The following LRRC56 variants were observed in gnomAD, a reference collection of about 807,000 sequenced individuals.
LRRC56 encodes leucine rich repeat containing 56, also known as leucine-rich repeat-containing protein 56.
A neutral mutation model predicts 47.8 loss-of-function variants in LRRC56; 41 were observed. The ratio of observed to expected loss-of-function variants is 0.86; its 90% CI spans 0.67 to 1.11. The LOEUF (loss-of-function observed/expected upper bound fraction) is 1.11. Ranked by LOEUF, LRRC56 falls within the 50% of genes most tolerant of loss-of-function variation. The pLI is 0.00. For missense variants in LRRC56, 759 were observed against 704.2 expected (o/e 1.08, Z -0.88); for synonymous variants, 387 against 311.2 (o/e 1.24, Z -2.56).
the LRRC56 span, among the ~76,000 whole-genome samples, chr11:514,153 G>A: frequency 4.4e-4 from 67 of 152,022 alleles, no homozygotes; most frequent in Non-Finnish European, 4.9e-4. Flanking sequence ...CACCACACCC[G>A]GCTGATTTTT....
Position 554,767 on chromosome 11 carries a change from A to C in LRRC56, c.*491A>C. The C allele has an allele frequency of 2.0e-6, 1 of 501,442 alleles. No homozygotes were observed. Among genetic ancestry groups the C allele is most frequent in the Non-Finnish European group, 3.5e-6 (1 of 284,720 alleles). The allele number at this position is 501,442 out of a possible 1,614,324, so 31.1% of individuals were successfully genotyped here. A position where few individuals can be genotyped will look rare whatever the true frequency, so the allele number is the denominator to read the frequency against. ...GGCCTCCCGTCTCCGGGGGATCTGT[A>C]GGGTTCCCGCACTGCGATAGGGCGG... On this transcript the variant is annotated 3_prime_UTR_variant, in exon 14 of 14. Transcript: ENST00000270115.
At position 550,062 on chromosome 11, in the gene LRRC56, C is replaced by T. The variant is rs369368254; in HGVS notation, c.424-10C>T. 86 of 1,611,406 alleles carry T rather than the reference C, an allele frequency of 5.3e-5. No individual in the cohort carries two copies. The highest frequency in any genetic ancestry group is 4.5e-4 in the East Asian group (20 of 44,820). On this transcript the variant is annotated splice_polypyrimidine_tract_variant and intron_variant, in intron 7 of 13. Transcript: ENST00000270115. ...GGCCGGGCCCTGGCTCAGAGCCCCG[C>T]GCTGCCCAGGAACTCTACGCCTCCT...
the LRRC56 span, among the ~76,000 whole-genome samples, chr11:516,661 G>C: frequency 6.6e-6 from 1 of 151,926 alleles, no homozygotes; most frequent in Non-Finnish European, 1.5e-5. Flanking sequence ...AAAGACGGCC[G>C]GACGTGGTGG....
In LRRC56 at chr11:547,420, C is replaced by T. The variant is rs567020385; in HGVS notation, c.327-2482C>T. On this transcript the variant is annotated intron_variant, in intron 6 of 13. Transcript: ENST00000270115. ...CCAGGCTGGAGTGCAGTGGCGCAAT[C>T]TCGGCTCACTGCAATCTCGCCTCCC... is the stretch of plus-strand genomic sequence containing the variant. Among the ~76,000 whole-genome samples the T allele has an allele frequency of 2.0e-5, 3 of 151,726 alleles. No homozygotes were observed. The South Asian group carries it at 6.3e-4, about 32-fold the overall frequency.
At chr11:548,982 C>G (rs1476504399) in intron 6 of LRRC56, among the ~76,000 whole-genome samples, 1 of 152,134 alleles carries the variant, frequency 6.6e-6, no homozygotes, top group Non-Finnish European at 1.5e-5. Flanking sequence ...CAAATCCCAG[C>G]CAATTCAGAG....
At chr11:547,239 C>T (rs946238241) in intron 6 of LRRC56, among the ~76,000 whole-genome samples, 1 of 151,424 alleles carries the variant, frequency 6.6e-6, no homozygotes, top group Admixed American at 6.6e-5. Context: ...CTCAAAAAAC[C>T]GTAAAAAACA....
chr11:509,168 G>T, the LRRC56 span, among the ~76,000 whole-genome samples: 1 of 152,158 alleles, frequency 6.6e-6, no homozygotes, highest in Non-Finnish European at 1.5e-5. Flanking sequence ...CTGCACACGT[G>T]AGCTTGGTGA....
upstream of LRRC56, chr11:533,234 G>T (rs550980746): frequency 6.7e-7 from 1 of 1,499,144 alleles, no homozygotes; most frequent in African/African-American, 1.4e-5. Flanking sequence ...CCCAGACCCC[G>T]GCCCTCGCCT....
the LRRC56 span, among the ~76,000 whole-genome samples, chr11:511,563 T>C: frequency 6.6e-6 from 1 of 152,192 alleles, no homozygotes; most frequent in African/African-American, 2.4e-5. Flanking sequence ...ATAGAGCAGG[T>C]TGAGGGGAAA....
chr11:544,039 C>T (rs1432257453), intron 5 of LRRC56, among the ~76,000 whole-genome samples: 1 of 152,208 alleles, frequency 6.6e-6, no homozygotes, highest in African/African-American at 2.4e-5. Flanking sequence ...TGAGCCACCG[C>T]ACCCAGCCAC....
intron 6 of LRRC56, among the ~76,000 whole-genome samples, chr11:546,110 A>C (rs1225495070): frequency 1.3e-5 from 2 of 151,992 alleles, no homozygotes; most frequent in Non-Finnish European, 2.9e-5. Flanking sequence ...ATCTCTACTA[A>C]AAATACAAAA....
At chr11:532,702 C>A, upstream of LRRC56, 1 of 1,613,254 alleles carries the variant, frequency 6.2e-7, no homozygotes, top group Non-Finnish European at 8.5e-7. Context: ...TCAGCTTCCG[C>A]AGCTTGTGCT....
rs1053752228 is a variant in LRRC56, at chr11:554,662, C to G, written c.*386C>G. The G allele has an allele frequency of 5.0e-6, 2 of 400,430 alleles. No homozygotes were observed. The highest frequency in any genetic ancestry group is 4.2e-5 in the African/African-American group (2 of 47,580). 24.8% of individuals were successfully genotyped at this position (400,430 alleles called of 1,614,324 possible). A position where few individuals can be genotyped will look rare whatever the true frequency, so the allele number is the denominator to read the frequency against. ...GCGAGTCCACCACTCCCTTGCCGGC[C>G]CCAGGGTAAGAGCCACCTCCTAGGC... On this transcript the variant is annotated 3_prime_UTR_variant, in exon 14 of 14. Transcript: ENST00000270115.
At position 554,255 on chromosome 11, in the gene LRRC56, C is replaced by A. The variant is rs762299122; in HGVS notation, c.1608C>A (p.His536Gln). 4 of 1,497,796 alleles carry A rather than the reference C, an allele frequency of 2.7e-6. No homozygotes were observed. The highest frequency in any genetic ancestry group is 4.7e-5 in the East Asian group (2 of 42,860). 92.8% of individuals were successfully genotyped at this position (1,497,796 alleles called of 1,614,324 possible). A position where few individuals can be genotyped will look rare whatever the true frequency, so the allele number is the denominator to read the frequency against. Residue 536 changes from histidine to glutamine, a missense_variant, in exon 14 of 14, where the codon CAC becomes CAA. Transcript: ENST00000270115. ...ARPPRAAELS[H>Q]PSPVPT ...CTCCCAGGGCAGCTGAACTCTCTCACCCCAGCCCCGTCCCCACTTAATATA... is the reference window on the plus strand; with the variant it reads ...CTCCCAGGGCAGCTGAACTCTCTCAACCCAGCCCCGTCCCCACTTAATATA...
chr11:511,948 A>C, the LRRC56 span, among the ~76,000 whole-genome samples: 1 of 146,936 alleles, frequency 6.8e-6, no homozygotes, highest in Non-Finnish European at 1.5e-5. Flanking sequence ...TAGGAGGCGA[A>C]TTTTTTTTTT....
the LRRC56 span, among the ~76,000 whole-genome samples, chr11:513,738 C>T: frequency 6.6e-6 from 1 of 150,750 alleles, no homozygotes; most frequent in South Asian, 2.1e-4. Flanking sequence ...TGGAGAATCA[C>T]TTGAACCCAG....
At chr11:543,734 C>T (rs1851921142) in intron 5 of LRRC56, among the ~76,000 whole-genome samples, 1 of 152,040 alleles carries the variant, frequency 6.6e-6, no homozygotes, top group Non-Finnish European at 1.5e-5. Context: ...CCTGTACCCA[C>T]ACACTCTGCG....
At chr11:509,130 G>A in the LRRC56 span, among the ~76,000 whole-genome samples, 1 of 152,262 alleles carries the variant, frequency 6.6e-6, no homozygotes, top group East Asian at 1.9e-4. Context: ...AGGGCTGGAA[G>A]GCAGCCAACC....
chr11:513,359 C>T, the LRRC56 span, among the ~76,000 whole-genome samples: 3 of 152,084 alleles, frequency 2.0e-5, no homozygotes, highest in African/African-American at 7.2e-5. Flanking sequence ...ACCATGTTGG[C>T]GAGGCTGGTC....
Sources: allele counts gnomAD v4.1 joint callset (sites outside exome capture counted in the v4.1 genomes callset), GRCh38; gene constraint gnomAD v4.1.1; transcripts MANE v1.5; gene names NCBI Gene and HGNC (gene_info 2026-07-23, HGNC 2026-07-21).